NKAIN3: variants seen among roughly 807,000 people sequenced by gnomAD.
The protein encoded by NKAIN3 is sodium/potassium transporting ATPase interacting 3, also known as sodium/potassium-transporting ATPase subunit beta-1-interacting protein 3.
Under a neutral mutation model 30.2 loss-of-function variants are expected in NKAIN3, and 25 were observed. That is an observed-to-expected ratio of 0.83 (90% CI 0.60 to 1.16). The LOEUF is 1.16. NKAIN3 is among the 50% of genes most tolerant of loss of function. The pLI is 0.00. For missense variants in NKAIN3, 225 were observed against 254.1 expected (o/e 0.89, Z 0.78); for synonymous variants, 91 against 89.6 (o/e 1.02, Z -0.09).
chr8:62,978,099 AG>A lies in NKAIN3; in HGVS notation c.*12696del. The stretch of plus-strand genomic sequence containing the variant: ...CCTACTTCTGGAAGCTGTGTCCCAG[AG>A]GGGCACCTGCCAGATGCTAGCCAGA... On this transcript the variant is annotated 3_prime_UTR_variant, in exon 7 of 7. Coordinates refer to ENST00000623646, the MANE Select transcript of NKAIN3 (RefSeq NM_001304533.3). The A allele has an allele frequency of 6.1e-6, 1 of 163,114 alleles. No homozygotes were observed. The highest frequency in any genetic ancestry group is 1.3e-5 in the Non-Finnish European group (1 of 77,144). The allele number at this position is 163,114 out of a possible 1,614,324, so 10.1% of individuals were successfully genotyped here. A position where few individuals can be genotyped will look rare whatever the true frequency, so the allele number is the denominator to read the frequency against.
At chr8:62,494,006 G>A (rs184530157) in intron 1 of NKAIN3, among the ~76,000 whole-genome samples, 65 of 152,054 alleles carry the variant, frequency 4.3e-4, no homozygotes, top group African/African-American at 1.3e-3. Flanking sequence ...ATTTTCCTAT[G>A]CCCTTTATTT....
chr8:62,845,287 A>ATATATATATATT lies in NKAIN3; in HGVS notation c.472-73155_472-73154insTTATATATATAT, dbSNP rs1224375362. 2.2e-3 allele frequency among the ~76,000 whole-genome samples: 222 copies of ATATATATATATT among 101,414 alleles called. 10 individuals carry two copies. The highest frequency in any genetic ancestry group is 4.0e-3 in the Admixed American group (45 of 11,156). 66.5% of individuals were successfully genotyped at this position (101,414 alleles called of 152,430 possible). On this transcript the variant is annotated intron_variant, in intron 4 of 6. Coordinates refer to ENST00000623646, the MANE Select transcript of NKAIN3 (RefSeq NM_001304533.3). ...TCATTGACCTGCTGGATAGTAGATTATATATATATATATATATATATATAT... is the reference window on the plus strand; with the variant it reads ...TCATTGACCTGCTGGATAGTAGATTATATATATATATTTATATATATATATATATATATATAT...
chr8:62,546,027 T>C (rs1808999568), intron 1 of NKAIN3, among the ~76,000 whole-genome samples: 1 of 152,190 alleles, frequency 6.6e-6, no homozygotes. Context: ...AATATACATT[T>C]CTGTGAGTTT....
In NKAIN3 at chr8:62,966,749, C is replaced by T. The variant is rs376865797; in HGVS notation, c.*1342C>T. Among the ~76,000 whole-genome samples the T allele has an allele frequency of 7.2e-5, 11 of 152,156 alleles. No homozygotes were observed. Among genetic ancestry groups the T allele is most frequent in the South Asian group, 2.1e-4 (1 of 4,828 alleles). ...AATAAGTTTTGCTCACTTTGTGTAA[C>T]GACCACAGTGAAGCTCCCTATAGGC... On this transcript the variant is annotated 3_prime_UTR_variant, in exon 7 of 7. Coordinates refer to ENST00000623646, the MANE Select transcript of NKAIN3 (RefSeq NM_001304533.3).
chr8:62,471,629 A>G (rs1226746854), intron 1 of NKAIN3, among the ~76,000 whole-genome samples: 1 of 152,178 alleles, frequency 6.6e-6, no homozygotes, highest in Non-Finnish European at 1.5e-5. Flanking sequence ...TAGGGTTCAC[A>G]TAACTATGAA....
chr8:62,623,811 G>A (rs566301050), intron 3 of NKAIN3, among the ~76,000 whole-genome samples: 1 of 151,938 alleles, frequency 6.6e-6, no homozygotes, highest in East Asian at 1.9e-4. Flanking sequence ...AAGAATTCTG[G>A]GTGAGTCCAT....
chr8:62,826,122 C>T (rs559393566), intron 4 of NKAIN3, among the ~76,000 whole-genome samples: 1 of 152,248 alleles, frequency 6.6e-6, no homozygotes, highest in South Asian at 2.1e-4. Flanking sequence ...TGGAAATTGC[C>T]TAAAGAGATA....
At chr8:62,579,753 A>C in intron 2 of NKAIN3, 77 bp downstream of exon 2, 1 of 838,008 alleles carries the variant, frequency 1.2e-6, no homozygotes, top group Non-Finnish European at 1.7e-6. Flanking sequence ...AATATTTCTA[A>C]GTGGCCCCTT....
At chr8:62,372,430 C>T (rs1273021244) in intron 1 of NKAIN3, among the ~76,000 whole-genome samples, 2 of 151,714 alleles carry the variant, frequency 1.3e-5, no homozygotes, top group African/African-American at 4.8e-5. Context: ...ATTTCCTTTT[C>T]ATGTTTCTGA....
chr8:62,501,680 A>G (rs751057994), intron 1 of NKAIN3, among the ~76,000 whole-genome samples: 2 of 152,132 alleles, frequency 1.3e-5, no homozygotes, highest in South Asian at 2.1e-4. Context: ...AATCTTCACA[A>G]TTATTCTTCC....
chr8:62,716,716 T>C (rs765244557), intron 3 of NKAIN3, among the ~76,000 whole-genome samples: 4 of 151,914 alleles, frequency 2.6e-5, no homozygotes, highest in Non-Finnish European at 5.9e-5. Context: ...GTTTCTCCCT[T>C]TGACCTGGAA....
At chr8:62,890,759 C>T (rs1033547216) in intron 4 of NKAIN3, among the ~76,000 whole-genome samples, 1 of 152,192 alleles carries the variant, frequency 6.6e-6, no homozygotes, top group African/African-American at 2.4e-5. Context: ...TGCAGGCTTG[C>T]CTGTCTACCC....
chr8:62,509,854 A>T (rs576614294), intron 1 of NKAIN3, among the ~76,000 whole-genome samples: 2 of 152,270 alleles, frequency 1.3e-5, no homozygotes, highest in East Asian at 1.9e-4. Context: ...CACCTATTAT[A>T]GGCAAAGCAT....
chr8:62,308,657 G>T (rs968295164), intron 1 of NKAIN3, among the ~76,000 whole-genome samples: 2 of 150,408 alleles, frequency 1.3e-5, no homozygotes, highest in African/African-American at 2.5e-5. Context: ...ATTAACAGAA[G>T]TTGGTAATGA....
intron 1 of NKAIN3, among the ~76,000 whole-genome samples, chr8:62,555,049 CACACACAT>C (rs1197159370): frequency 9.8e-5 from 12 of 122,122 alleles, no homozygotes; most frequent in South Asian, 4.9e-4. Context: ...CACACACACA[CACACACAT>C]GCCTAGCTAT....
intron 3 of NKAIN3, among the ~76,000 whole-genome samples, chr8:62,689,068 T>C (rs1813883336): frequency 6.6e-6 from 1 of 152,242 alleles, no homozygotes; most frequent in South Asian, 2.1e-4. Flanking sequence ...TTTGCTATTA[T>C]ATTTTCTTCT....
In NKAIN3 at chr8:62,966,177, T is replaced by C. The variant is rs1823706793; in HGVS notation, c.*770T>C. The C allele has an allele frequency of 1.0e-6, 1 of 985,174 alleles. No individual in the cohort carries two copies. Among genetic ancestry groups the C allele is most frequent in the Admixed American group, 6.1e-5 (1 of 16,274 alleles). 61.0% of individuals were successfully genotyped at this position (985,174 alleles called of 1,614,324 possible). On this transcript the variant is annotated 3_prime_UTR_variant, in exon 7 of 7. Transcript: ENST00000623646. ...CTGACACTGCTGTCAGACCTAAACA[T>C]ACAGCTCATGGGCTTGTGGGACAGA...
intron 1 of NKAIN3, among the ~76,000 whole-genome samples, chr8:62,322,573 C>T (rs1487226346): frequency 6.6e-6 from 1 of 152,138 alleles, no homozygotes; most frequent in Non-Finnish European, 1.5e-5. Context: ...GCTTCTGGTT[C>T]CAAGCATTTC....
At chr8:62,811,042 C>G (rs951517864) in intron 4 of NKAIN3, among the ~76,000 whole-genome samples, 1 of 151,992 alleles carries the variant, frequency 6.6e-6, no homozygotes, top group Admixed American at 6.6e-5. Flanking sequence ...ACTATATCCC[C>G]TTCCTCCTTT....
Sources: gnomAD v4.1 joint callset for allele counts (sites outside exome capture counted in the v4.1 genomes callset) on GRCh38, gnomAD v4.1.1 for gene constraint, MANE v1.5 for transcripts, NCBI Gene and HGNC (gene_info 2026-07-23, HGNC 2026-07-21) for gene names.